The following KXD1 variants were observed in gnomAD, a reference collection of about 807,000 sequenced individuals.
KXD1 encodes KxDL motif containing 1.
In KXD1, 5 loss-of-function variants were observed where a neutral mutation model predicts 12.1. The ratio of observed to expected loss-of-function variants is 0.41; its 90% CI spans 0.22 to 0.87. KXD1 has a LOEUF of 0.87. Among genes scored for constraint, KXD1 ranks in the 40% least tolerant of loss-of-function variants. The pLI is 0.31. For synonymous variants in KXD1, 98 were observed against 100.5 expected (o/e 0.98, Z 0.15); for missense variants, 193 against 244.9 (o/e 0.79, Z 1.41).
rs757644789 is a variant in KXD1 at position 18,564,973 on chromosome 19, C to A, written c.206C>A (p.Thr69Asn). The change falls in exon 3 of 5, where the codon ACC (threonine) becomes AAC (asparagine). Residue 69 changes from threonine (T) to asparagine (N), a missense_variant. Transcript: ENST00000222307. Reference sequence around the variant, plus strand: ...GAACGCTTCCTGCACCACACGAGGACCCTAGTAGAGATGAAACGGGACCTG... The same window carrying A: ...GAACGCTTCCTGCACCACACGAGGAACCTAGTAGAGATGAAACGGGACCTG... The part of the protein sequence containing the change: ...MSERFLHHTR[T>N]LVEMKRDLDS... 1 of 1,611,602 alleles carries A rather than the reference C, an allele frequency of 6.2e-7. No individual in the cohort carries two copies. Among genetic ancestry groups the A allele is most frequent in the East Asian group, 2.2e-5 (1 of 44,888 alleles).
intron 2 of KXD1, among the ~76,000 whole-genome samples, chr19:18,564,052 A>T (rs1975071426): frequency 6.6e-6 from 1 of 151,924 alleles, no homozygotes. Context: ...ATGCCCAGCC[A>T]ATTTTTGTAT....
chr19:18,567,098 A>G (rs1049237311), intron 3 of KXD1, 34 bp from the exon 4 acceptor site: 1 of 1,610,948 alleles, frequency 6.2e-7, no homozygotes, highest in Non-Finnish European at 8.5e-7. Flanking sequence ...CCTGCTCAGC[A>G]GGTTAAGCCC....
At chr19:18,563,087 CGTTAGT>C (rs1235242797) in intron 2 of KXD1, among the ~76,000 whole-genome samples, 1 of 151,852 alleles carries the variant, frequency 6.6e-6, no homozygotes, top group East Asian at 1.9e-4. Flanking sequence ...CATCAGCTGT[CGTTAGT>C]GTTAGTGTAT....
chr19:18,565,129 A>C (rs1975142979), intron 3 of KXD1, 108 bp downstream of exon 3: 1 of 1,522,628 alleles, frequency 6.6e-7, no homozygotes, highest in Non-Finnish European at 8.8e-7. Flanking sequence ...TGTTTGTTTT[A>C]CAAGGCTTCA....
Position 18,567,118 on chromosome 19 carries a change from T to C in KXD1, c.255-14T>C. On this transcript the variant is annotated splice_polypyrimidine_tract_variant and intron_variant, in intron 3 of 4. Transcript: ENST00000222307. ...TCAGCAGGTTAAGCCCTGTGTGCCTTCTCTCCCCTGCAGGACGCTGAAAGG... is the reference window on the plus strand; with the variant it reads ...TCAGCAGGTTAAGCCCTGTGTGCCTCCTCTCCCCTGCAGGACGCTGAAAGG... 1 of 1,613,826 alleles carries C rather than the reference T, an allele frequency of 6.2e-7. No individual in the cohort carries two copies. Among genetic ancestry groups the C allele is most frequent in the South Asian group, 1.1e-5 (1 of 91,034 alleles).
In KXD1 at chr19:18,568,558, C is replaced by CCCATGTCCAGCCTGGCT; in HGVS notation, c.461_477dup (p.Pro160MetfsTer20). ...CTGAGCCCCGGCTTCGAGGACCTGTCCCATGTCCAGCCTGGCTCCCCAGCC... is the reference window on the plus strand; with the variant it reads ...CTGAGCCCCGGCTTCGAGGACCTGTCCCATGTCCAGCCTGGCTCCATGTCCAGCCTGGCTCCCCAGCC... On this transcript the variant is annotated frameshift_variant, in exon 5 of 5. Transcript: ENST00000222307. LOFTEE classifies it low-confidence loss of function (END_TRUNC). The CCCATGTCCAGCCTGGCT allele has an allele frequency of 6.2e-7, 1 of 1,613,898 alleles. No homozygotes were observed.
At position 18,565,028 on chromosome 19, in the gene KXD1, G is replaced by A. The variant is rs1975136296; in HGVS notation, c.254+7G>A. ...GCATCTTCCGCCGTATCAGGTGGGT[G>A]CTCAGTGCCACCCCAGCCCAGCTGA... On this transcript the variant is annotated splice_region_variant and intron_variant, in intron 3 of 4. Coordinates refer to ENST00000222307, the MANE Select transcript of KXD1 (RefSeq NM_024069.4). 10 of 1,562,324 alleles carry A rather than the reference G, an allele frequency of 6.4e-6. No individual in the cohort carries two copies. The East Asian group carries it at 2.3e-4, about 36-fold the overall frequency.
At chr19:18,563,169 A>T (rs1026623768) in intron 2 of KXD1, among the ~76,000 whole-genome samples, 3 of 152,122 alleles carry the variant, frequency 2.0e-5, no homozygotes, top group African/African-American at 7.2e-5. Context: ...ACTGGACACC[A>T]CTGGGCTAAT....
chr19:18,558,333 G>A (rs1426526883), intron 1 of KXD1: 1 of 152,160 alleles, frequency 6.6e-6, no homozygotes, highest in Non-Finnish European at 1.5e-5. Flanking sequence ...TAGAACCGTG[G>A]TGCTTCTCTG....
intron 2 of KXD1, among the ~76,000 whole-genome samples, chr19:18,562,828 G>T (rs1974989052): frequency 6.6e-6 from 1 of 152,228 alleles, no homozygotes; most frequent in Non-Finnish European, 1.5e-5. Flanking sequence ...AGCCCAGGCT[G>T]TGTCTGCACA....
At chr19:18,568,330 C>A in intron 4 of KXD1, 72 bp from the exon 5 acceptor site, 3 of 1,131,956 alleles carry the variant, frequency 2.7e-6, no homozygotes, top group Non-Finnish European at 3.9e-6. Context: ...TTAGGGGTCA[C>A]ATGGACAATA....
At chr19:18,563,876 C>G (rs1385128174) in intron 2 of KXD1, among the ~76,000 whole-genome samples, 1 of 151,620 alleles carries the variant, frequency 6.6e-6, no homozygotes, top group Non-Finnish European at 1.5e-5. Flanking sequence ...CCTGCCTCAA[C>G]CTCCTAAAGT....
Position 18,562,081 on chromosome 19 carries a change from A to C in KXD1, c.25A>C (p.Arg9=). 1 of 1,613,210 alleles carries C rather than the reference A, an allele frequency of 6.2e-7. No individual in the cohort carries two copies. The highest frequency in any genetic ancestry group is 1.1e-5 in the South Asian group (1 of 90,898). Residue 9 remains arginine, a synonymous_variant, in exon 2 of 5, where the codon AGG becomes CGG. Coordinates refer to ENST00000222307, the MANE Select transcript of KXD1 (RefSeq NM_024069.4). The part of the protein sequence containing the change: MDLPDSAS[R]VFCGRILSMV... Reference sequence around the variant, plus strand: ...GATGGACCTCCCGGACTCGGCCTCGAGGGTCTTCTGCGGCCGCATCCTGAG... The same window carrying C: ...GATGGACCTCCCGGACTCGGCCTCGCGGGTCTTCTGCGGCCGCATCCTGAG...
chr19:18,566,814 C>T (rs1160059999), intron 3 of KXD1, among the ~76,000 whole-genome samples: 1 of 151,820 alleles, frequency 6.6e-6, no homozygotes, highest in Non-Finnish European at 1.5e-5. Context: ...AAAAATTTAT[C>T]AGAGAAGAGG....
At chr19:18,564,493 C>T (rs565083310) in intron 2 of KXD1, among the ~76,000 whole-genome samples, 7 of 152,196 alleles carry the variant, frequency 4.6e-5, no homozygotes, top group Non-Finnish European at 7.4e-5. Flanking sequence ...TGGTGGCGGA[C>T]GCCTGTAGTC....
At position 18,565,226 on chromosome 19, in the gene KXD1, CAG is replaced by C. The variant is rs763047948; in HGVS notation, c.254+208_254+209del. 9.3e-5 allele frequency: 113 copies of C among 1,217,886 alleles called. No homozygotes were observed. The South Asian group carries it at 1.7e-3, about 18-fold the overall frequency. The allele number at this position is 1,217,886 out of a possible 1,614,324, so 75.4% of individuals were successfully genotyped here. A position where few individuals can be genotyped will look rare whatever the true frequency, so the allele number is the denominator to read the frequency against. ...TTACTGATTGATTAATTGATCGAGA[CAG>C]AGTTTTTTTTTTTTTTTTGGAGACG... On this transcript the variant is annotated intron_variant, in intron 3 of 4. Transcript: ENST00000222307.
rs1234204290 is a variant in KXD1 at position 18,569,247 on chromosome 19, C to G, written c.*616C>G. 1 of 152,938 alleles carries G rather than the reference C, an allele frequency of 6.5e-6. No individual in the cohort carries two copies. Among genetic ancestry groups the G allele is most frequent in the Non-Finnish European group, 1.5e-5 (1 of 68,324 alleles). The allele number at this position is 152,938 out of a possible 1,614,324, so 9.5% of individuals were successfully genotyped here. On this transcript the variant is annotated 3_prime_UTR_variant, in exon 5 of 5. Transcript: ENST00000222307. ...TGTGGAACCTGAGGGGCCAGCAGGC[C>G]TCTCTGAAGGCCTCCATGGAGCAAA...
At chr19:18,557,953 G>T (rs1976986871) in intron 1 of KXD1, 39 bp downstream of exon 1, 1 of 152,304 alleles carries the variant, frequency 6.6e-6, no homozygotes, top group Non-Finnish European at 1.5e-5. Flanking sequence ...GTTTGGGGTG[G>T]GGCTGGGGAC....
At position 18,562,521 on chromosome 19, in the gene KXD1, T is replaced by C. The variant is rs143725431; in HGVS notation, c.101+364T>C. Among the ~76,000 whole-genome samples, 43 of 152,348 alleles carry C rather than the reference T, an allele frequency of 2.8e-4. 3 individuals carry two copies. In the East Asian group the frequency reaches 8.3e-3, roughly 29 times the overall value. ...TGTTGCCCAGGCTAGAGTGCAATGG[T>C]GTGACCTTGCCTCACTGCAACCTCC... On this transcript the variant is annotated intron_variant, in intron 2 of 4. Coordinates refer to ENST00000222307, the MANE Select transcript of KXD1 (RefSeq NM_024069.4).
Sources: allele counts gnomAD v4.1 joint callset (sites outside exome capture counted in the v4.1 genomes callset), GRCh38; gene constraint gnomAD v4.1.1; transcripts MANE v1.5; gene names NCBI Gene and HGNC (gene_info 2026-07-23, HGNC 2026-07-21).